Variants in MAP6 observed in about 807,000 individuals in gnomAD.
The protein encoded by MAP6 is microtubule associated protein 6.
A neutral mutation model predicts 42.4 loss-of-function variants in MAP6; 26 were observed. That is an observed-to-expected ratio of 0.61 (90% CI 0.45 to 0.85). The LOEUF is 0.85. Ranked by LOEUF, MAP6 falls within the 40% of genes least tolerant of loss-of-function variation. The pLI is 0.00. For missense variants in MAP6, 966 were observed against 1,099.0 expected (o/e 0.88, Z 1.71); for synonymous variants, 418 against 443.8 (o/e 0.94, Z 0.73).
chr11:75,658,200 T>C (rs894861725), intron 1 of MAP6, among the ~76,000 whole-genome samples: 1 of 152,222 alleles, frequency 6.6e-6, no homozygotes, highest in Non-Finnish European at 1.5e-5. Flanking sequence ...TTCTGGGTCA[T>C]GGTAAATGTA....
chr11:75,587,134 T>C lies in MAP6; in HGVS notation c.2367A>G (p.Leu789=), dbSNP rs778619444. ...LKTQGPRDPQ[L]PTVSPLPRVM... ...CTCGGGGTAGAGGTGAGACAGTAGG[T>C]AGCTGAGGGTCCCTGGGACCTTGAG... Residue 789 remains leucine (L), a synonymous_variant, in exon 4 of 4, where the codon CTA becomes CTG. Transcript: ENST00000304771. 2 of 1,613,644 alleles carry C rather than the reference T, an allele frequency of 1.2e-6. No individual in the cohort carries two copies. The highest frequency in any genetic ancestry group is 1.7e-6 in the Non-Finnish European group (2 of 1,179,670).
In MAP6 at chr11:75,609,330, C is replaced by A. The variant is rs117869292; in HGVS notation, c.906-1008G>T. 5.2e-3 allele frequency among the ~76,000 whole-genome samples: 784 copies of A among 152,196 alleles called. 14 individuals are homozygous for A. The highest frequency in any genetic ancestry group is 0.024 in the East Asian group (125 of 5,166). On this transcript the variant is annotated intron_variant, in intron 1 of 3. Coordinates refer to ENST00000304771, the MANE Select transcript of MAP6 (RefSeq NM_033063.2). ...TATTGGGTCTGTTCTCCTTTGGGGG[C>A]ACAAAAAGCTGCACTGTGGGAAAGG...
chr11:75,654,384 C>CT (rs1943700767), intron 1 of MAP6, among the ~76,000 whole-genome samples: 1 of 152,168 alleles, frequency 6.6e-6, no homozygotes, highest in African/African-American at 2.4e-5. Flanking sequence ...AACTCCTAAG[C>CT]TTTTGACACA....
intron 1 of MAP6, among the ~76,000 whole-genome samples, chr11:75,627,557 G>A (rs574959807): frequency 6.1e-4 from 93 of 152,322 alleles, no homozygotes; most frequent in Non-Finnish European, 1.1e-3. Flanking sequence ...CAAGGGGACC[G>A]TCACAGTGAG....
At chr11:75,620,924 A>T (rs1943097748) in intron 1 of MAP6, among the ~76,000 whole-genome samples, 1 of 152,058 alleles carries the variant, frequency 6.6e-6, no homozygotes, top group Admixed American at 6.5e-5. Flanking sequence ...AGGTCAGGAG[A>T]TAGAGACCAT....
At chr11:75,590,823 T>A (rs1276050100) in intron 3 of MAP6, among the ~76,000 whole-genome samples, 1 of 151,980 alleles carries the variant, frequency 6.6e-6, no homozygotes, top group Non-Finnish European at 1.5e-5. Flanking sequence ...AAAAATTAGC[T>A]GGGTGTGGTG....
intron 1 of MAP6, among the ~76,000 whole-genome samples, chr11:75,640,572 G>T (rs1943450177): frequency 6.6e-6 from 1 of 152,064 alleles, no homozygotes; most frequent in Admixed American, 6.6e-5. Context: ...GAAAATTTTT[G>T]CAATCTACTC....
intron 1 of MAP6, among the ~76,000 whole-genome samples, chr11:75,653,099 T>C (rs1369641069): frequency 6.6e-6 from 1 of 152,142 alleles, no homozygotes; most frequent in Non-Finnish European, 1.5e-5. Flanking sequence ...GGTGGCTCAC[T>C]CAATCCACAA....
chr11:75,605,756 T>A, intron 3 of MAP6, 52 bp downstream of exon 3: 2 of 1,572,734 alleles, frequency 1.3e-6, no homozygotes, highest in South Asian at 1.2e-5. Context: ...AAAAAAAAGT[T>A]GGGGGGAGGG....
intron 1 of MAP6, among the ~76,000 whole-genome samples, chr11:75,655,510 A>C (rs1275350539): frequency 6.6e-6 from 1 of 152,242 alleles, no homozygotes; most frequent in African/African-American, 2.4e-5. Flanking sequence ...AGCAGTGGGC[A>C]AGAAGGCTAG....
At chr11:75,622,701 T>C (rs1329220741) in intron 1 of MAP6, among the ~76,000 whole-genome samples, 1 of 152,216 alleles carries the variant, frequency 6.6e-6, no homozygotes, top group Non-Finnish European at 1.5e-5. Flanking sequence ...AGAAACAAAG[T>C]ATGAGGATTT....
At chr11:75,613,785 T>C (rs376332519) in intron 1 of MAP6, among the ~76,000 whole-genome samples, 15 of 152,330 alleles carry the variant, frequency 9.8e-5, no homozygotes, top group African/African-American at 3.6e-4. Context: ...TTTGATGGCT[T>C]ACTTGTGCTA....
chr11:75,589,498 G>A (rs182588782), intron 3 of MAP6, among the ~76,000 whole-genome samples: 1 of 152,294 alleles, frequency 6.6e-6, no homozygotes, highest in East Asian at 1.9e-4. Context: ...CAGCAACAGA[G>A]CAGCCCTGTG....
chr11:75,638,177 C>A (rs2135649788), intron 1 of MAP6, among the ~76,000 whole-genome samples: 1 of 151,988 alleles, frequency 6.6e-6, no homozygotes, highest in African/African-American at 2.4e-5. Flanking sequence ...ACAGGCCCCT[C>A]AGGCCTGGCT....
intron 1 of MAP6, among the ~76,000 whole-genome samples, chr11:75,620,082 C>T (rs181688488): frequency 6.6e-6 from 1 of 152,218 alleles, no homozygotes; most frequent in Non-Finnish European, 1.5e-5. Context: ...AATCTTTACA[C>T]AAAGAAAGTC....
intron 1 of MAP6, among the ~76,000 whole-genome samples, chr11:75,630,154 T>C (rs1943263226): frequency 6.6e-6 from 1 of 152,132 alleles, no homozygotes; most frequent in African/African-American, 2.4e-5. Flanking sequence ...CTCTACCCTC[T>C]CCCAGAAATC....
At chr11:75,610,690 T>C (rs993458078) in intron 1 of MAP6, among the ~76,000 whole-genome samples, 5 of 152,028 alleles carry the variant, frequency 3.3e-5, no homozygotes, top group Non-Finnish European at 5.9e-5. Flanking sequence ...CAGAAGGGAA[T>C]AGTGGAGGCA....
At position 75,587,826 on chromosome 11, in the gene MAP6, G is replaced by A. The variant is rs370717980; in HGVS notation, c.1675C>T (p.Leu559=). Residue 559 remains leucine, a synonymous_variant, in exon 4 of 4, where the codon CTA becomes TTA. Coordinates refer to ENST00000304771, the MANE Select transcript of MAP6 (RefSeq NM_033063.2). ...KDQGSVVPES[L]KDQGPRIPEP... ...GGAATCCTAGGACCTTGATCCTTTA[G>A]AGACTCTGGTACCACAGAGCCTTGA... is the stretch of plus-strand genomic sequence containing the variant. 444 of 1,614,036 alleles carry A rather than the reference G, an allele frequency of 2.8e-4. No individual in the cohort carries two copies. Among genetic ancestry groups the A allele is most frequent in the Non-Finnish European group, 3.5e-4 (417 of 1,180,032 alleles).
chr11:75,640,639 A>G (rs937178056), intron 1 of MAP6, among the ~76,000 whole-genome samples: 8 of 152,230 alleles, frequency 5.3e-5, no homozygotes, highest in Admixed American at 1.3e-4. Context: ...ATTTACAAGA[A>G]AAAAACAAAC....
Sources: allele counts gnomAD v4.1 joint callset (sites outside exome capture counted in the v4.1 genomes callset), GRCh38; gene constraint gnomAD v4.1.1; transcripts MANE v1.5; gene names NCBI Gene and HGNC (gene_info 2026-07-23, HGNC 2026-07-21).